The following CCDC81 variants were observed in gnomAD, a reference collection of about 807,000 sequenced individuals.
CCDC81 encodes the protein coiled-coil domain-containing protein 81.
CCDC81 carries 79 observed loss-of-function variants against 83.7 expected under a neutral mutation model. That is an observed-to-expected ratio of 0.94 (90% CI 0.79 to 1.14). CCDC81 has a LOEUF of 1.14. Ranked by LOEUF, CCDC81 falls within the 50% of genes most tolerant of loss-of-function variation. The probability of loss-of-function intolerance (pLI) is 0.00; values close to 1 mark genes in which losing one functional copy is unlikely to be tolerated. For synonymous variants in CCDC81, 252 were observed against 278.1 expected (o/e 0.91, Z 0.93); for missense variants, 791 against 778.1 (o/e 1.02, Z -0.20).
chr11:86,412,840 A>AGGGC (rs1289167712), intron 11 of CCDC81, among the ~76,000 whole-genome samples: 20 of 152,286 alleles, frequency 1.3e-4, no homozygotes, highest in African/African-American at 4.8e-4. Context: ...ACACGGCAGT[A>AGGGC]TCTAGGGGTG....
intron 1 of CCDC81, 104 bp downstream of exon 1, chr11:86,375,346 C>A: frequency 1.0e-6 from 1 of 978,540 alleles, no homozygotes; most frequent in Non-Finnish European, 1.5e-6. Context: ...TCAGGCCTGG[C>A]CTGCCGTGGC....
chr11:86,386,616 T>G (rs529923125), intron 2 of CCDC81, among the ~76,000 whole-genome samples: 2 of 152,186 alleles, frequency 1.3e-5, no homozygotes, highest in Admixed American at 6.5e-5. Flanking sequence ...GGGGATGAGC[T>G]TGGGGGAAGC....
At chr11:86,395,831 C>T (rs1385632932) in intron 5 of CCDC81, among the ~76,000 whole-genome samples, 2 of 152,150 alleles carry the variant, frequency 1.3e-5, no homozygotes, top group African/African-American at 4.8e-5. Context: ...CCATATAGGC[C>T]AGGCTGGTCT....
At chr11:86,387,770 C>T (rs1174773730) in intron 3 of CCDC81, 98 bp downstream of exon 3, 7 of 829,676 alleles carry the variant, frequency 8.4e-6, no homozygotes, top group Non-Finnish European at 1.3e-5. Flanking sequence ...GTCTTACCTT[C>T]TTATTTGAGG....
chr11:86,383,910 G>T (rs1173545355), intron 1 of CCDC81, among the ~76,000 whole-genome samples: 2 of 152,130 alleles, frequency 1.3e-5, no homozygotes, highest in East Asian at 3.8e-4. Context: ...CTTATGTAAT[G>T]TTATCTGTTA....
At position 86,408,265 on chromosome 11, in the gene CCDC81, C is replaced by A; in HGVS notation, c.1108C>A (p.His370Asn). ...MLKDQEALFR[H>N]QMKSLATREQ... ...AAAGGATCAGGAGGCTCTCTTCAGACACCAGGTAGTCCAACACCTCGATTA... is the reference window on the plus strand; with the variant it reads ...AAAGGATCAGGAGGCTCTCTTCAGAAACCAGGTAGTCCAACACCTCGATTA... The change falls in exon 9 of 15, where the codon CAC (histidine) becomes AAC (asparagine). Residue 370 changes from histidine to asparagine, a missense_variant. Physicochemically the swap from His to Asn is moderately conservative, Grantham distance 68. Coordinates refer to ENST00000445632, the MANE Select transcript of CCDC81 (RefSeq NM_001156474.2). 1 of 1,611,010 alleles carries A rather than the reference C, an allele frequency of 6.2e-7. No individual in the cohort carries two copies. The highest frequency in any genetic ancestry group is 8.5e-7 in the Non-Finnish European group (1 of 1,178,972).
At chr11:86,388,210 C>CCCCTTCCT (rs1948273588) in intron 3 of CCDC81, among the ~76,000 whole-genome samples, 2 of 144,296 alleles carry the variant, frequency 1.4e-5, no homozygotes, top group African/African-American at 5.2e-5. Flanking sequence ...CCCTCCTTCC[C>CCCCTTCCT]TCCTTCCTTC....
rs144365306 is a variant in CCDC81 at position 86,422,701 on chromosome 11, C to T, written c.1945C>T (p.Arg649Trp). The change falls in exon 15 of 15, where the codon CGG becomes TGG. Residue 649 changes from arginine to tryptophan, a missense_variant. Transcript: ENST00000445632. The part of the protein sequence containing the change: ...WPLNKFLPGS[R>W]LLV Reference sequence around the variant, plus strand: ...CCTGAACAAGTTCCTGCCTGGCTCCCGGTTGCTTGTGTAAAACTCAAAGTT... The same window carrying T: ...CCTGAACAAGTTCCTGCCTGGCTCCTGGTTGCTTGTGTAAAACTCAAAGTT... The T allele has an allele frequency of 2.0e-3, 3,183 of 1,613,514 alleles. 4 individuals carry two copies. Among genetic ancestry groups the T allele is most frequent in the Non-Finnish European group, 2.0e-3 (2,417 of 1,179,560 alleles).
intron 14 of CCDC81, among the ~76,000 whole-genome samples, chr11:86,421,454 C>T (rs760789541): frequency 2.0e-5 from 3 of 152,132 alleles, no homozygotes; most frequent in Non-Finnish European, 2.9e-5. Flanking sequence ...GGGCTACAGG[C>T]GCCTGCCACC....
Position 86,422,674 on chromosome 11 carries a change from C to T in CCDC81, c.1918C>T (p.Pro640Ser), listed in dbSNP as rs1449935182. ...CAACGTGGGCGAGAGCAACCTGTGG[C>T]CCCTGAACAAGTTCCTGCCTGGCTC... is the stretch of plus-strand genomic sequence containing the variant. ...TSNVGESNLW[P>S]LNKFLPGSRL... is the part of the protein sequence containing the mutation. The change falls in exon 15 of 15, where the codon CCC becomes TCC. Residue 640 changes from proline to serine, a missense_variant. Transcript: ENST00000445632. The T allele has an allele frequency of 1.6e-5, 26 of 1,614,010 alleles. 1 individual carries two copies. The Admixed American group carries it at 4.3e-4, about 27-fold the overall frequency.
In CCDC81 at chr11:86,415,080, A is replaced by T. The variant is rs765773640; in HGVS notation, c.1471-13A>T. ...TAGAATGATAACCTGCATTATGTGT[A>T]TCTCTGTTTAAGATAAAGAACAAAC... On this transcript the variant is annotated splice_polypyrimidine_tract_variant and intron_variant, in intron 12 of 14. Coordinates refer to ENST00000445632, the MANE Select transcript of CCDC81 (RefSeq NM_001156474.2). 3.7e-6 allele frequency: 6 copies of T among 1,612,598 alleles called. No individual in the cohort carries two copies. In the East Asian group the frequency reaches 1.3e-4, roughly 36 times the overall value.
intron 3 of CCDC81, 21 bp downstream of exon 3, chr11:86,387,693 G>A (rs754230118): frequency 6.5e-7 from 1 of 1,546,616 alleles, no homozygotes; most frequent in South Asian, 1.2e-5. Context: ...CTGATATGTA[G>A]GATTTTCCCA....
chr11:86,399,968 CA>C (rs768432522), intron 6 of CCDC81, among the ~76,000 whole-genome samples: 470 of 143,590 alleles, frequency 3.3e-3, no homozygotes, highest in Non-Finnish European at 5.2e-3. Flanking sequence ...ACTACTACTA[CA>C]AAAAAAAAAA....
At chr11:86,375,979 A>G (rs1284028568) in intron 1 of CCDC81, among the ~76,000 whole-genome samples, 1 of 152,336 alleles carries the variant, frequency 6.6e-6, no homozygotes, top group South Asian at 2.1e-4. Flanking sequence ...CATCACTCCT[A>G]TCTTTTCCTC....
chr11:86,400,130 CAAAA>C (rs560965042), intron 6 of CCDC81, among the ~76,000 whole-genome samples: 4 of 106,498 alleles, frequency 3.8e-5, no homozygotes, highest in Admixed American at 9.9e-5. Context: ...GACTCCATCT[CAAAA>C]AAAAAAAAAA....
At chr11:86,404,349 A>G (rs1311110870) in intron 7 of CCDC81, among the ~76,000 whole-genome samples, 2 of 152,238 alleles carry the variant, frequency 1.3e-5, no homozygotes, top group Non-Finnish European at 2.9e-5. Context: ...TCACCGAAAC[A>G]CTGCTATGCC....
chr11:86,375,402 G>A lies in CCDC81; in HGVS notation c.79+160G>A, dbSNP rs186787012. Reference sequence around the variant, plus strand: ...CTGGTAATCACATCCTGCCCACGTTGGACGCCCAGAGACCCTTTTCTGGTT... The same window carrying A: ...CTGGTAATCACATCCTGCCCACGTTAGACGCCCAGAGACCCTTTTCTGGTT... On this transcript the variant is annotated intron_variant, in intron 1 of 14. Transcript: ENST00000445632. 5.3e-5 allele frequency among the ~76,000 whole-genome samples: 8 copies of A among 152,266 alleles called. No homozygotes were observed. The East Asian group carries it at 1.2e-3, about 22-fold the overall frequency.
Position 86,414,880 on chromosome 11 carries a change from A to G in CCDC81, c.1470+13A>G. On this transcript the variant is annotated intron_variant, in intron 12 of 14. Transcript: ENST00000445632. ...TTTGGATGCACAGGTAAGGGGACAGACAAATATTATTTTTAAAATTATGCA... is the reference window on the plus strand; with the variant it reads ...TTTGGATGCACAGGTAAGGGGACAGGCAAATATTATTTTTAAAATTATGCA... The G allele has an allele frequency of 6.3e-7, 1 of 1,582,262 alleles. No homozygotes were observed. Among genetic ancestry groups the G allele is most frequent in the Non-Finnish European group, 8.6e-7 (1 of 1,166,378 alleles).
At position 86,410,088 on chromosome 11, in the gene CCDC81, T is replaced by C. The variant is rs558021535; in HGVS notation, c.1218+723T>C. Among the ~76,000 whole-genome samples the C allele has an allele frequency of 2.0e-5, 3 of 151,274 alleles. No individual in the cohort carries two copies. In the East Asian group the frequency reaches 5.8e-4, roughly 29 times the overall value. ...ATGGTGGAATAACATCCCCAGGTGATTTGTATTTGCATTAATGTTTGAGAA... is the reference window on the plus strand; with the variant it reads ...ATGGTGGAATAACATCCCCAGGTGACTTGTATTTGCATTAATGTTTGAGAA... On this transcript the variant is annotated intron_variant, in intron 10 of 14. Transcript: ENST00000445632.
Sources: gnomAD v4.1 joint callset for allele counts (sites outside exome capture counted in the v4.1 genomes callset) on GRCh38, gnomAD v4.1.1 for gene constraint, MANE v1.5 for transcripts, NCBI Gene and HGNC (gene_info 2026-07-23, HGNC 2026-07-21) for gene names.